SMARCA2: variants seen among roughly 807,000 people sequenced by gnomAD.
SMARCA2 encodes SWI/SNF related BAF chromatin remodeling complex subunit ATPase 2.
A neutral mutation model predicts 199.8 loss-of-function variants in SMARCA2; 61 were observed. The observed-to-expected ratio is 0.31, with a 90% CI of 0.25 to 0.38. The LOEUF is 0.38. Ranked by LOEUF, SMARCA2 falls within the 10% of genes least tolerant of loss-of-function variation. The probability of loss-of-function intolerance (pLI) is 1.00; values close to 1 mark genes in which losing one functional copy is unlikely to be tolerated. For missense variants in SMARCA2, 1,344 were observed against 2,012.2 expected (o/e 0.67, Z 6.35); for synonymous variants, 935 against 732.0 (o/e 1.28, Z -4.48).
intron 27 of SMARCA2, among the ~76,000 whole-genome samples, chr9:2,145,304 C>CAAAAAAAAAAAAAAAAAAAAAAAAAA: frequency 7.6e-6 from 1 of 132,308 alleles, no homozygotes; most frequent in Admixed American, 7.8e-5. Flanking sequence ...ACTCTTGTCT[C>CAAAAAAAAAAAAAAAAAAAAAAAAAA]AAAAAAAAAA....
intron 27 of SMARCA2, among the ~76,000 whole-genome samples, chr9:2,149,985 A>G (rs1388763749): frequency 6.6e-6 from 1 of 151,262 alleles, no homozygotes; most frequent in Non-Finnish European, 1.5e-5. Flanking sequence ...AGAACCAGAC[A>G]CTCCTCTACT....
Position 2,029,041 on chromosome 9 carries a change from C to A in SMARCA2, c.19C>A (p.Pro7Thr). Residue 7 changes from proline (P) to threonine (T), a missense_variant, in exon 2 of 34, where the codon CCT becomes ACT. This residue lies in a region of SMARCA2 where 275 missense variants were observed against 247.5 expected (regional missense o/e 1.11). Transcript: ENST00000349721. Reference protein sequence around the residue: MSTPTDPGAMPHPGPSP... With the variant: MSTPTDTGAMPHPGPSP... ...GAGGTAGATGTCCACGCCCACAGAC[C>A]CTGGTGCGATGCCCCACCCAGGGCC... 1 of 1,552,492 alleles carries A rather than the reference C, an allele frequency of 6.4e-7. No individual in the cohort carries two copies. Among genetic ancestry groups the A allele is most frequent in the African/African-American group, 1.4e-5 (1 of 73,206 alleles).
intron 19 of SMARCA2, among the ~76,000 whole-genome samples, chr9:2,092,569 A>C (rs1224866129): frequency 6.6e-6 from 1 of 152,234 alleles, no homozygotes; most frequent in African/African-American, 2.4e-5. Context: ...AATAGTATTC[A>C]GGCAGAAGCT....
chr9:2,114,619 T>A (rs1160888118), intron 24 of SMARCA2, among the ~76,000 whole-genome samples: 1 of 152,210 alleles, frequency 6.6e-6, no homozygotes, highest in Admixed American at 6.5e-5. Flanking sequence ...CCACAATGAA[T>A]AAAAGCCACA....
At chr9:2,070,902 T>G (rs1478946755) in intron 10 of SMARCA2, among the ~76,000 whole-genome samples, 1 of 152,260 alleles carries the variant, frequency 6.6e-6, no homozygotes, top group Non-Finnish European at 1.5e-5. Flanking sequence ...GTTAACTTAT[T>G]TTTGAAATTT....
chr9:2,170,585 G>A lies in SMARCA2; in HGVS notation c.4253+113G>A, dbSNP rs1267111560. The stretch of plus-strand genomic sequence containing the variant: ...AAGCAAATTTCTTCGGTCACCTCCT[G>A]ATCACCCCTACTTGGAGAGCGGGAT... On this transcript the variant is annotated intron_variant, in intron 29 of 33. Transcript: ENST00000349721. The surrounding 1 kb of genome is among the most constrained non-coding windows in gnomAD (Gnocchi z 4.7). 1 of 1,547,870 alleles carries A rather than the reference G, an allele frequency of 6.5e-7. No individual in the cohort carries two copies. Among genetic ancestry groups the A allele is most frequent in the Non-Finnish European group, 8.8e-7 (1 of 1,130,920 alleles).
At chr9:2,177,467 C>T (rs972768923) in intron 29 of SMARCA2, among the ~76,000 whole-genome samples, 1 of 151,974 alleles carries the variant, frequency 6.6e-6, no homozygotes, top group African/African-American at 2.4e-5. Flanking sequence ...AAAAGAAAAA[C>T]CATAAAAGAC....
intron 30 of SMARCA2, 90 bp downstream of exon 30, chr9:2,181,766 A>C (rs1827039340): frequency 2.7e-6 from 2 of 734,986 alleles, no homozygotes; most frequent in Admixed American, 2.2e-5. Context: ...GCTGACCGCC[A>C]CTGATGGGTA....
chr9:2,074,856 T>C (rs528399797), intron 12 of SMARCA2, among the ~76,000 whole-genome samples: 12 of 152,260 alleles, frequency 7.9e-5, no homozygotes, highest in Admixed American at 3.9e-4. Flanking sequence ...CAGAGCAAGA[T>C]CCTGTTTTGT....
At position 2,169,880 on chromosome 9, in the gene SMARCA2, A is replaced by T. The variant is rs568053052; in HGVS notation, c.4200-539A>T. Among the ~76,000 whole-genome samples, 1 of 152,294 alleles carries T rather than the reference A, an allele frequency of 6.6e-6. No homozygotes were observed. Among genetic ancestry groups the T allele is most frequent in the South Asian group, 2.1e-4 (1 of 4,826 alleles). On this transcript the variant is annotated intron_variant, in intron 28 of 33. Transcript: ENST00000349721. The surrounding 1 kb of genome is among the most constrained non-coding windows in gnomAD (Gnocchi z 6.5). ...ATCATGAATTCAGTGATCTCTCGAA[A>T]AGGAATAGAGCTCTTGGAAGCAGAG...
chr9:2,041,264 G>T (rs941165982), intron 4 of SMARCA2: 3 of 398,370 alleles, frequency 7.5e-6, no homozygotes, highest in Non-Finnish European at 1.3e-5. Flanking sequence ...GTCTTAGTAA[G>T]TCTGAGCTGC....
rs1258916884 is a variant in SMARCA2, at chr9:2,161,542, T to G, written c.3982-144T>G. ...CATTCCTTTTTTCTTCTTCCTCCAC[T>G]GATTACTGTTAACTTTTACTTTTTT... is the stretch of plus-strand genomic sequence containing the variant. On this transcript the variant is annotated intron_variant, in intron 27 of 33. Transcript: ENST00000349721. This position sits in a 1 kb window ranked among gnomAD's most constrained non-coding sequence, Gnocchi z 4.7. 4.9e-6 allele frequency: 3 copies of G among 615,164 alleles called. No homozygotes were observed. In the African/African-American group the frequency reaches 5.5e-5, roughly 11 times the overall value. 38.1% of individuals were successfully genotyped at this position (615,164 alleles called of 1,614,324 possible).
chr9:2,104,929 T>C lies in SMARCA2; in HGVS notation c.3292+760T>C, dbSNP rs540766273. Among the ~76,000 whole-genome samples the C allele has an allele frequency of 6.6e-6, 1 of 152,306 alleles. No homozygotes were observed. Among genetic ancestry groups the C allele is most frequent in the South Asian group, 2.1e-4 (1 of 4,828 alleles). On this transcript the variant is annotated intron_variant, in intron 23 of 33. Transcript: ENST00000349721. The surrounding 1 kb of genome is among the most constrained non-coding windows in gnomAD (Gnocchi z 4.0). ...TGGTAAGTAGGAATAGAAGTTAATT[T>C]ACAGTCAGGATGCTATTTAATCCCT...
intron 27 of SMARCA2, among the ~76,000 whole-genome samples, chr9:2,125,455 T>C (rs1237710042): frequency 2.0e-5 from 3 of 151,988 alleles, no homozygotes; most frequent in Non-Finnish European, 4.4e-5. Context: ...GGAGTATTAT[T>C]ACAGCAGACG....
At chr9:2,174,951 A>G (rs959535940) in intron 29 of SMARCA2, among the ~76,000 whole-genome samples, 1 of 148,140 alleles carries the variant, frequency 6.8e-6, no homozygotes, top group Non-Finnish European at 1.5e-5. Context: ...AAAAAAAAAA[A>G]AGGAAATGGA....
At chr9:2,171,207 G>C (rs762710126) in intron 29 of SMARCA2, among the ~76,000 whole-genome samples, 1 of 152,206 alleles carries the variant, frequency 6.6e-6, no homozygotes, top group Non-Finnish European at 1.5e-5. Context: ...TAATATAAGA[G>C]AGATAACATT....
At chr9:2,084,234 C>G in intron 17 of SMARCA2, 38 bp downstream of exon 17, 1 of 1,062,572 alleles carries the variant, frequency 9.4e-7, no homozygotes, top group Non-Finnish European at 1.4e-6. Context: ...CTAATTAGGA[C>G]CATTGCACTG....
Position 2,073,634 on chromosome 9 carries a change from A to G in SMARCA2, c.1935+11A>G. On this transcript the variant is annotated intron_variant, in intron 12 of 33. Coordinates refer to ENST00000349721, the MANE Select transcript of SMARCA2 (RefSeq NM_003070.5). ...GATTATGAGGAAGAGGTATGTATGT[A>G]TCTCTGTTTGGGGTTTATTGGTTTG... 2 of 1,596,216 alleles carry G rather than the reference A, an allele frequency of 1.3e-6. No homozygotes were observed. The highest frequency in any genetic ancestry group is 1.7e-4 in the Middle Eastern group (1 of 6,026).
chr9:2,039,767 G>GCAGCAGCAA lies in SMARCA2; in HGVS notation c.666_674dup (p.Gln236_Gln238dup), dbSNP rs1452229971. 15 of 1,608,278 alleles carry GCAGCAGCAA rather than the reference G, an allele frequency of 9.3e-6. No individual in the cohort carries two copies. The highest frequency in any genetic ancestry group is 1.3e-5 in the Non-Finnish European group (15 of 1,177,878). ...CGTTGCCTGGCTTGCAGCAACAACA[G>GCAGCAGCAA]CAGCAGCAACAGCAGCAGCAGCAGC... On this transcript the variant is annotated inframe_insertion, in exon 4 of 34. Transcript: ENST00000349721. The surrounding 1 kb of genome is among the most constrained non-coding windows in gnomAD (Gnocchi z 4.8).
Sources: gnomAD v4.1 joint callset for allele counts (sites outside exome capture counted in the v4.1 genomes callset) on GRCh38, gnomAD v4.1.1 for gene constraint, gnomAD v4.1.1 regional missense constraint, Gnocchi (gnomAD v3.1) non-coding constraint, MANE v1.5 for transcripts, NCBI Gene and HGNC (gene_info 2026-07-23, HGNC 2026-07-21) for gene names.